Variants in TNFRSF11A observed in about 807,000 individuals in gnomAD.
TNFRSF11A encodes the protein TNF receptor superfamily member 11a.
A neutral mutation model predicts 55.7 loss-of-function variants in TNFRSF11A; 32 were observed. That is an observed-to-expected ratio of 0.57 (90% CI 0.43 to 0.77). TNFRSF11A has a LOEUF of 0.77. Ranked by LOEUF, TNFRSF11A falls within the 30% of genes least tolerant of loss-of-function variation. TNFRSF11A has a pLI of 0.00. For synonymous variants in TNFRSF11A, 311 were observed against 331.0 expected, an observed-to-expected ratio of 0.94 and a Z score of 0.65; for missense variants, 753 against 809.8, an observed-to-expected ratio of 0.93 and a Z score of 0.85.
chr18:62,365,807 ATTT>A (rs1182997182), intron 7 of TNFRSF11A, among the ~76,000 whole-genome samples: 4 of 151,626 alleles, frequency 2.6e-5, no homozygotes, highest in East Asian at 1.9e-4. Flanking sequence ...TTTATTTTTT[ATTT>A]TTTTATTTTA....
intron 9 of TNFRSF11A, among the ~76,000 whole-genome samples, chr18:62,374,590 TG>T (rs2145371466): frequency 6.6e-6 from 1 of 152,344 alleles, no homozygotes; most frequent in East Asian, 1.9e-4. Context: ...AATATTCATG[TG>T]TTAGGCATTT....
Position 62,360,041 on chromosome 18 carries a change from C to T in TNFRSF11A, c.608C>T (p.Pro203Leu), listed in dbSNP as rs1412171111. 2.5e-6 allele frequency: 4 copies of T among 1,613,686 alleles called. No individual in the cohort carries two copies. In the East Asian group the frequency reaches 8.9e-5, roughly 36 times the overall value. The change falls in exon 6 of 10, where the codon CCA (proline) becomes CTA (leucine). Residue 203 changes from proline to leucine, a missense_variant. This residue lies in a region of TNFRSF11A where 567 missense variants were observed against 596.7 expected (regional missense o/e 0.95). Transcript: ENST00000586569. ...AGTTCTTCTCTGCCAGCTAGAAAAC[C>T]ACCAAATGGTATGTTTAAAAAGAGC... ...VCSSSLPARK[P>L]PNEPHVYLPG...
At chr18:62,353,213 C>T (rs933137991) in intron 3 of TNFRSF11A, among the ~76,000 whole-genome samples, 9 of 152,142 alleles carry the variant, frequency 5.9e-5, no homozygotes, top group African/African-American at 9.7e-5. Context: ...CTGATCACCA[C>T]GTAAACTTGT....
chr18:62,387,303 T>G lies in TNFRSF11A; in HGVS notation c.*2269T>G, dbSNP rs944299936. 2.0e-5 allele frequency: 3 copies of G among 152,208 alleles called. No individual in the cohort carries two copies. Among genetic ancestry groups the G allele is most frequent in the African/African-American group, 7.2e-5 (3 of 41,450 alleles). The allele number at this position is 152,208 out of a possible 1,614,324, so 9.4% of individuals were successfully genotyped here. A position where few individuals can be genotyped will look rare whatever the true frequency, so the allele number is the denominator to read the frequency against. On this transcript the variant is annotated 3_prime_UTR_variant, in exon 10 of 10. Coordinates refer to ENST00000586569, the MANE Select transcript of TNFRSF11A (RefSeq NM_003839.4). ...TGTATAGAAAATATAAGTCTGTGTC[T>G]GTGTACTGTAGAGATGTATGTGACA...
chr18:62,358,236 T>A lies in TNFRSF11A; in HGVS notation c.428-12T>A. 6.2e-7 allele frequency: 1 copy of A among 1,604,484 alleles called. No homozygotes were observed. The highest frequency in any genetic ancestry group is 8.5e-7 in the Non-Finnish European group (1 of 1,179,236). ...GTTCTGTCTGGGTTGTTTTTTTTTT[T>A]TTTTCTCACAGTGCAGCTCAACAAG... On this transcript the variant is annotated splice_polypyrimidine_tract_variant and intron_variant, in intron 4 of 9. Coordinates refer to ENST00000586569, the MANE Select transcript of TNFRSF11A (RefSeq NM_003839.4).
chr18:62,336,815 C>T (rs1312192882), intron 1 of TNFRSF11A: 1 of 152,202 alleles, frequency 6.6e-6, no homozygotes, highest in African/African-American at 2.4e-5. Flanking sequence ...AAGACACTTG[C>T]AATTAAAGTT....
chr18:62,366,577 TAAC>T, intron 7 of TNFRSF11A, 128 bp from the exon 8 acceptor site: 2 of 997,760 alleles, frequency 2.0e-6, no homozygotes, highest in Non-Finnish European at 3.2e-6. Flanking sequence ...TTCACTATAG[TAAC>T]CATTTTACTA....
intron 3 of TNFRSF11A, 58 bp from the exon 4 acceptor site, chr18:62,354,333 G>A (rs1333695902): frequency 1.0e-5 from 15 of 1,498,438 alleles, no homozygotes; most frequent in South Asian, 8.9e-5. Flanking sequence ...AGTCGTGGGC[G>A]GTGTGTTTGG....
chr18:62,335,129 A>ATTTTTTTTTTTTTTTTTTTTTTTTTTTT (rs11289576), intron 1 of TNFRSF11A, among the ~76,000 whole-genome samples: 2 of 140,722 alleles, frequency 1.4e-5, no homozygotes, highest in Non-Finnish European at 1.5e-5. Flanking sequence ...TGGGGTCGGA[A>ATTTTTTTTTTTTTTTTTTTTTTTTTTTT]TTTTTTTTTT....
At position 62,346,544 on chromosome 18, in the gene TNFRSF11A, C is replaced by T. The variant is rs1600371566; in HGVS notation, c.76-1624C>T. ...TCTGATGTGTGTTACCCGGTGTCCACGGGGAGTGTTAGCAGGGCCCAGGAA... is the reference window on the plus strand; with the variant it reads ...TCTGATGTGTGTTACCCGGTGTCCATGGGGAGTGTTAGCAGGGCCCAGGAA... On this transcript the variant is annotated intron_variant, in intron 1 of 9. Coordinates refer to ENST00000586569, the MANE Select transcript of TNFRSF11A (RefSeq NM_003839.4). Among the ~76,000 whole-genome samples the T allele has an allele frequency of 2.6e-5, 4 of 152,280 alleles. 1 individual carries two copies. The highest frequency in any genetic ancestry group is 4.1e-4 in the South Asian group (2 of 4,832).
chr18:62,342,862 G>T (rs930830765), intron 1 of TNFRSF11A, among the ~76,000 whole-genome samples: 10 of 152,330 alleles, frequency 6.6e-5, no homozygotes, highest in Admixed American at 5.2e-4. Flanking sequence ...TTACTCTGAT[G>T]TATTAATTCT....
Position 62,368,959 on chromosome 18 carries a change from G to A in TNFRSF11A, c.1042G>A (p.Glu348Lys). Residue 348 changes from glutamate (E) to lysine (K), a missense_variant, in exon 9 of 10, where the codon GAA becomes AAA. Transcript: ENST00000586569. ...CTTCAGACAGATGCCCACAGAAGATGAATACATGGACAGGCCCTCCCAGCC... is the reference window on the plus strand; with the variant it reads ...CTTCAGACAGATGCCCACAGAAGATAAATACATGGACAGGCCCTCCCAGCC... ...DSFRQMPTEDEYMDRPSQPTD... is the reference protein window; with the variant it reads ...DSFRQMPTEDKYMDRPSQPTD... 1 of 1,614,258 alleles carries A rather than the reference G, an allele frequency of 6.2e-7. No homozygotes were observed. The highest frequency in any genetic ancestry group is 8.5e-7 in the Non-Finnish European group (1 of 1,180,054).
intron 1 of TNFRSF11A, among the ~76,000 whole-genome samples, chr18:62,338,351 C>T (rs1431482866): frequency 6.6e-6 from 1 of 152,284 alleles, no homozygotes; most frequent in South Asian, 2.1e-4. Context: ...AACAGGGATT[C>T]AGATACTTGT....
rs1911905523 is a variant in TNFRSF11A at position 62,389,295 on chromosome 18, T to A, written c.*4261T>A. The A allele has an allele frequency of 6.6e-6, 1 of 152,348 alleles. No individual in the cohort carries two copies. The highest frequency in any genetic ancestry group is 2.1e-4 in the South Asian group (1 of 4,822). The allele number at this position is 152,348 out of a possible 1,614,324, so 9.4% of individuals were successfully genotyped here. ...CCCCAGAGCCCTGCTGGTGAAGTCT[T>A]GCAACCACTAAAGCTTTGCCAGAGA... On this transcript the variant is annotated 3_prime_UTR_variant, in exon 10 of 10. Coordinates refer to ENST00000586569, the MANE Select transcript of TNFRSF11A (RefSeq NM_003839.4).
intron 7 of TNFRSF11A, among the ~76,000 whole-genome samples, chr18:62,362,640 A>G (rs1909781345): frequency 6.6e-6 from 1 of 152,162 alleles, no homozygotes; most frequent in South Asian, 2.1e-4. Flanking sequence ...GTGTCTTTAA[A>G]CATCACGTCA....
rs981750226 is a variant in TNFRSF11A at position 62,387,516 on chromosome 18, T to C, written c.*2482T>C. Reference sequence around the variant, plus strand: ...ATGCTTATTCCTAATCTTTATGGTATGGTGTCAACCGTTCATTTGTATCTT... The same window carrying C: ...ATGCTTATTCCTAATCTTTATGGTACGGTGTCAACCGTTCATTTGTATCTT... On this transcript the variant is annotated 3_prime_UTR_variant, in exon 10 of 10. Coordinates refer to ENST00000586569, the MANE Select transcript of TNFRSF11A (RefSeq NM_003839.4). The C allele has an allele frequency of 6.6e-6, 1 of 152,256 alleles. No individual in the cohort carries two copies. Among genetic ancestry groups the C allele is most frequent in the African/African-American group, 2.4e-5 (1 of 41,470 alleles). The allele number at this position is 152,256 out of a possible 1,614,324, so 9.4% of individuals were successfully genotyped here. A position where few individuals can be genotyped will look rare whatever the true frequency, so the allele number is the denominator to read the frequency against.
chr18:62,354,608 T>C, intron 4 of TNFRSF11A, 74 bp downstream of exon 4: 3 of 1,591,510 alleles, frequency 1.9e-6, no homozygotes, highest in Non-Finnish European at 2.6e-6. Context: ...GTCTTGATAA[T>C]AGCAGCAAGA....
chr18:62,353,737 C>G (rs973160448), intron 3 of TNFRSF11A, among the ~76,000 whole-genome samples: 26 of 151,732 alleles, frequency 1.7e-4, no homozygotes, highest in African/African-American at 6.1e-4. Flanking sequence ...GTGTAGTTTA[C>G]AACAGATCAA....
intron 1 of TNFRSF11A, among the ~76,000 whole-genome samples, chr18:62,332,505 C>G (rs2046169844): frequency 6.6e-6 from 1 of 152,178 alleles, no homozygotes; most frequent in Admixed American, 6.5e-5. Flanking sequence ...AACCCGTTTC[C>G]TTGTTGAATA....
Sources: gnomAD v4.1 joint callset for allele counts (sites outside exome capture counted in the v4.1 genomes callset) on GRCh38, gnomAD v4.1.1 for gene constraint, gnomAD v4.1.1 regional missense constraint, MANE v1.5 for transcripts, NCBI Gene and HGNC (gene_info 2026-07-23, HGNC 2026-07-21) for gene names.